The following PDE11A variants were observed in gnomAD, a reference collection of about 807,000 sequenced individuals.
PDE11A encodes dual 3',5'-cyclic-AMP and -GMP phosphodiesterase 11A.
A neutral mutation model predicts 100.5 loss-of-function variants in PDE11A; 100 were observed. The ratio of observed to expected loss-of-function variants is 1.00; its 90% CI spans 0.85 to 1.18. PDE11A has a LOEUF of 1.18. Among genes scored for constraint, PDE11A ranks in the 50% most tolerant of loss-of-function variants. The pLI, the probability that PDE11A is intolerant of heterozygous loss-of-function variation, is 0.00. For missense variants in PDE11A, 1,141 were observed against 1,152.6 expected (o/e 0.99, Z 0.15); for synonymous variants, 381 against 420.8 (o/e 0.91, Z 1.16).
Position 177,761,826 on chromosome 2 carries a change from G to A in PDE11A, c.1788+7497C>T, listed in dbSNP as rs796423116. Among the ~76,000 whole-genome samples, 7 of 152,318 alleles carry A rather than the reference G, an allele frequency of 4.6e-5. 1 individual carries two copies. The highest frequency in any genetic ancestry group is 1.7e-4 in the African/African-American group (7 of 41,550). Reference sequence around the variant, plus strand: ...TCAGTGGGAGCATGGGAAACAGGCTGGAAAAGTGAGCTGAAAGTTAGAGTT... The same window carrying A: ...TCAGTGGGAGCATGGGAAACAGGCTAGAAAAGTGAGCTGAAAGTTAGAGTT... On this transcript the variant is annotated intron_variant, in intron 10 of 19. Coordinates refer to ENST00000286063, the MANE Select transcript of PDE11A (RefSeq NM_016953.4).
rs539247325 is a variant in PDE11A at position 177,835,528 on chromosome 2, C to T, written c.1500+4723G>A. ...GAGGTGACAGCGTGCTGGCAGCCCT[C>T]GCTTGCTCTTGGCACCTCCTTGGCC... On this transcript the variant is annotated intron_variant, in intron 6 of 19. Coordinates refer to ENST00000286063, the MANE Select transcript of PDE11A (RefSeq NM_016953.4). Among the ~76,000 whole-genome samples the T allele has an allele frequency of 8.8e-4, 134 of 152,328 alleles. 1 individual carries two copies. The highest frequency in any genetic ancestry group is 2.7e-3 in the Admixed American group (41 of 15,306).
rs59234264 is a variant in PDE11A, at chr2:177,678,537, C to T, written c.2423+2289G>A. Among the ~76,000 whole-genome samples the T allele has an allele frequency of 6.6e-3, 999 of 152,244 alleles. 11 individuals carry two copies. Among genetic ancestry groups the T allele is most frequent in the African/African-American group, 0.022 (920 of 41,542 alleles). ...TCTCACCATTGACTATTTAGAATTGCTGGCACATGGTGGTAATAAAAAGCA... is the reference window on the plus strand; with the variant it reads ...TCTCACCATTGACTATTTAGAATTGTTGGCACATGGTGGTAATAAAAAGCA... On this transcript the variant is annotated intron_variant, in intron 16 of 19. Coordinates refer to ENST00000286063, the MANE Select transcript of PDE11A (RefSeq NM_016953.4).
chr2:177,711,825 C>T lies in PDE11A; in HGVS notation c.2097G>A (p.Val699=). 1 of 1,613,208 alleles carries T rather than the reference C, an allele frequency of 6.2e-7. No individual in the cohort carries two copies. The change falls in exon 13 of 20, where the codon GTG becomes GTA. Residue 699 remains valine, a synonymous_variant. Transcript: ENST00000286063. ...GGTCGAGGTCATGACACAGGCATCC[C>T]ACAATCACCGCTAAAATTTCCACCT... ...LTEVEILAVI[V]GCLCHDLDHR...
At chr2:177,901,767 A>G (rs2084701657) in intron 3 of PDE11A, among the ~76,000 whole-genome samples, 1 of 152,198 alleles carries the variant, frequency 6.6e-6, no homozygotes, top group Non-Finnish European at 1.5e-5. Flanking sequence ...GGAAAACATT[A>G]TTTCTTTAAT....
intron 3 of PDE11A, among the ~76,000 whole-genome samples, chr2:177,900,683 C>T (rs1163185149): frequency 1.3e-5 from 2 of 151,822 alleles, no homozygotes; most frequent in East Asian, 1.9e-4. Context: ...ACTTGAACCT[C>T]GGAGGCGGAA....
At chr2:177,799,925 TTATAA>T (rs1306181380) in intron 9 of PDE11A, among the ~76,000 whole-genome samples, 1 of 152,088 alleles carries the variant, frequency 6.6e-6, no homozygotes. Context: ...GTGGGGGATG[TTATAA>T]TATAAATAAC....
chr2:177,637,833 G>A lies in PDE11A; in HGVS notation c.2647-8271C>T, dbSNP rs1007521990. On this transcript the variant is annotated intron_variant, in intron 19 of 19. Transcript: ENST00000286063. ...TATCATTTTGGATAGTTTCTGTTGC[G>A]TCACTGAGTTTTTCTTTTGCAGGGC... Among the ~76,000 whole-genome samples, 22 of 149,984 alleles carry A rather than the reference G, an allele frequency of 1.5e-4. No individual in the cohort carries two copies. In the South Asian group the frequency reaches 3.2e-3, roughly 22 times the overall value.
chr2:177,873,191 A>C (rs1467942533), intron 5 of PDE11A, among the ~76,000 whole-genome samples: 1 of 152,212 alleles, frequency 6.6e-6, no homozygotes, highest in Non-Finnish European at 1.5e-5. Context: ...CATGTTCAGC[A>C]GTATAAAAAA....
At chr2:177,773,144 C>T (rs1028787557) in intron 9 of PDE11A, among the ~76,000 whole-genome samples, 1 of 152,108 alleles carries the variant, frequency 6.6e-6, no homozygotes, top group African/African-American at 2.4e-5. Context: ...CCTCAGCCTC[C>T]CAAGTAGCTG....
At chr2:177,637,454 G>A (rs1214200486) in intron 19 of PDE11A, among the ~76,000 whole-genome samples, 1 of 151,926 alleles carries the variant, frequency 6.6e-6, no homozygotes, top group African/African-American at 2.4e-5. Context: ...TCTATCTATC[G>A]CACTGAAAAG....
intron 19 of PDE11A, among the ~76,000 whole-genome samples, chr2:177,629,988 C>T (rs1332543499): frequency 6.6e-6 from 1 of 152,166 alleles, no homozygotes; most frequent in Non-Finnish European, 1.5e-5. Context: ...AATTGCTTTA[C>T]CATAGATGAC....
intron 1 of PDE11A, among the ~76,000 whole-genome samples, chr2:178,028,147 C>T (rs1257184851): frequency 6.6e-6 from 1 of 152,068 alleles, no homozygotes. Flanking sequence ...TTCCCTTCCC[C>T]ACTATAAGTC....
intron 6 of PDE11A, among the ~76,000 whole-genome samples, chr2:177,833,057 T>A (rs1197153391): frequency 6.6e-6 from 1 of 152,170 alleles, no homozygotes; most frequent in Non-Finnish European, 1.5e-5. Flanking sequence ...CTTGCCACAG[T>A]CTCTTCTTCT....
rs772223181 is a variant in PDE11A, at chr2:177,663,852, C to G, written c.2646+14G>C. 1 of 1,457,986 alleles carries G rather than the reference C, an allele frequency of 6.9e-7. No individual in the cohort carries two copies. The allele number at this position is 1,457,986 out of a possible 1,614,324, so 90.3% of individuals were successfully genotyped here. A position where few individuals can be genotyped will look rare whatever the true frequency, so the allele number is the denominator to read the frequency against. On this transcript the variant is annotated intron_variant, in intron 19 of 19. Coordinates refer to ENST00000286063, the MANE Select transcript of PDE11A (RefSeq NM_016953.4). ...ATTCAGTCAGAACATGTAGGCCCTC[C>G]CAAATCAAAGTACCTGATACAAAGG...
At chr2:178,049,502 T>G (rs1334677620) in intron 1 of PDE11A, among the ~76,000 whole-genome samples, 7 of 152,020 alleles carry the variant, frequency 4.6e-5, no homozygotes, top group Non-Finnish European at 1.0e-4. Context: ...TGACAGTGGG[T>G]GCAGGACAGT....
intron 5 of PDE11A, among the ~76,000 whole-genome samples, chr2:177,853,678 ATATGTG>A (rs1348955117): frequency 1.5e-4 from 5 of 33,854 alleles, no homozygotes; most frequent in African/African-American, 3.0e-4. Flanking sequence ...ATATATATAT[ATATGTG>A]TGTGTGTGTG....
chr2:177,837,472 C>G (rs530836561), intron 6 of PDE11A, among the ~76,000 whole-genome samples: 1 of 144,354 alleles, frequency 6.9e-6, no homozygotes, highest in Admixed American at 6.8e-5. Flanking sequence ...TACTTTCTTT[C>G]TTTCTTTTTT....
At chr2:177,869,369 ACTCCTTG>A (rs1373255163) in intron 5 of PDE11A, among the ~76,000 whole-genome samples, 1 of 151,924 alleles carries the variant, frequency 6.6e-6, no homozygotes, top group Admixed American at 6.6e-5. Context: ...GCAGAATTCA[ACTCCTTG>A]CAGTTGTATG....
chr2:177,805,490 C>G (rs2082856059), intron 9 of PDE11A, among the ~76,000 whole-genome samples: 1 of 152,002 alleles, frequency 6.6e-6, no homozygotes, highest in Non-Finnish European at 1.5e-5. Flanking sequence ...AGAGAAAGCA[C>G]AGATAACAAC....
Sources: allele counts gnomAD v4.1 joint callset (sites outside exome capture counted in the v4.1 genomes callset), GRCh38; gene constraint gnomAD v4.1.1; transcripts MANE v1.5; gene names NCBI Gene and HGNC (gene_info 2026-07-23, HGNC 2026-07-21).